The following CELF2 variants were observed in gnomAD, a reference collection of about 807,000 sequenced individuals.
The protein encoded by CELF2 is CUG triplet repeat RNA-binding protein 2.
CELF2 carries 8 observed loss-of-function variants against 62.6 expected under a neutral mutation model. The ratio of observed to expected loss-of-function variants is 0.13; its 90% CI spans 0.07 to 0.23. The LOEUF is 0.23. Ranked by LOEUF, CELF2 falls within the 10% of genes least tolerant of loss-of-function variation. The pLI is 1.00. For missense variants in CELF2, 333 were observed against 671.0 expected (o/e 0.50, Z 5.56); for synonymous variants, 258 against 250.0 (o/e 1.03, Z -0.30).
At chr10:10,626,134 A>G in the CELF2 span, among the ~76,000 whole-genome samples, 1 of 152,080 alleles carries the variant, frequency 6.6e-6, no homozygotes, top group Non-Finnish European at 1.5e-5. Flanking sequence ...CCTTGAACTT[A>G]ATTTCATTAA....
In CELF2 at chr10:10,971,566, GTTGTTGTTGTTTGTTTGTTT is replaced by G. The variant is rs2050757162; in HGVS notation, c.89+51580_89+51599del. On this transcript the variant is annotated intron_variant, in intron 2 of 13. Coordinates refer to the CELF2 transcript ENST00000636488. ...AGTCATCCACATGCATGGTTTTGTT[GTTGTTGTTGTTTGTTTGTTT>G]TTGTTGTTGTTTTGTTTACAGACAG... is the stretch of plus-strand genomic sequence containing the variant. Among the ~76,000 whole-genome samples, 3 of 151,984 alleles carry G rather than the reference GTTGTTGTTGTTTGTTTGTTT, an allele frequency of 2.0e-5. No individual in the cohort carries two copies. The South Asian group carries it at 6.2e-4, about 32-fold the overall frequency.
intron 1 of CELF2, among the ~76,000 whole-genome samples, chr10:10,799,790 A>G (rs2054473264): frequency 6.6e-6 from 1 of 152,244 alleles, no homozygotes; most frequent in South Asian, 2.1e-4. Context: ...CTACCTTGGC[A>G]GAGTTAATTC....
the CELF2 span, among the ~76,000 whole-genome samples, chr10:10,762,896 C>T: frequency 2.0e-5 from 3 of 152,216 alleles, no homozygotes; most frequent in East Asian, 5.8e-4. Flanking sequence ...TTAAAACTTG[C>T]CCACTGCCCT....
chr10:11,293,155 G>A (rs1054622834), intron 9 of CELF2, among the ~76,000 whole-genome samples: 8 of 152,126 alleles, frequency 5.3e-5, no homozygotes, highest in South Asian at 4.1e-4. Context: ...CGGCCTTTAC[G>A]CCATTATTCT....
intron 2 of CELF2, among the ~76,000 whole-genome samples, chr10:10,981,018 T>C (rs963531227): frequency 2.6e-5 from 4 of 152,214 alleles, no homozygotes; most frequent in African/African-American, 9.6e-5. Flanking sequence ...TGTCACAAAA[T>C]CCTGAACTGC....
chr10:10,474,647 C>A, the CELF2 span, among the ~76,000 whole-genome samples: 1 of 152,086 alleles, frequency 6.6e-6, no homozygotes, highest in South Asian at 2.1e-4. Context: ...GCAGGCCATA[C>A]AGAAAAGGTC....
chr10:10,595,465 C>A, the CELF2 span, among the ~76,000 whole-genome samples: 124 of 152,244 alleles, frequency 8.1e-4, no homozygotes, highest in African/African-American at 3.0e-3. Context: ...CAGGACTCGA[C>A]TCCAGAGGTA....
chr10:11,067,424 C>T lies in CELF2; in HGVS notation c.74+49261C>T, dbSNP rs79710810. On this transcript the variant is annotated intron_variant, in intron 1 of 12. Transcript: ENST00000633077. ...GCTTGCAAATGTGTAATATCTGTAG[C>T]ACACTGCTCTTATTAATCCACTGGA... Among the ~76,000 whole-genome samples, 1,172 of 152,296 alleles carry T rather than the reference C, an allele frequency of 7.7e-3. 16 individuals are homozygous for T. Among genetic ancestry groups the T allele is most frequent in the African/African-American group, 0.027 (1,124 of 41,554 alleles).
At chr10:10,739,669 C>A in the CELF2 span, among the ~76,000 whole-genome samples, 1 of 152,176 alleles carries the variant, frequency 6.6e-6, no homozygotes, top group African/African-American at 2.4e-5. Context: ...AGAAAGCAAT[C>A]CAGGATCCCA....
chr10:10,792,096 G>GGAAGGAGGAAAGGGAGGGAGGGA, the CELF2 span, among the ~76,000 whole-genome samples: 1 of 151,564 alleles, frequency 6.6e-6, no homozygotes, highest in Admixed American at 6.6e-5. Context: ...GAGGGAGAGA[G>GGAAGGAGGAAAGGGAGGGAGGGA]GTTCCTCACC....
chr10:10,733,201 G>A, the CELF2 span, among the ~76,000 whole-genome samples: 24 of 152,210 alleles, frequency 1.6e-4, no homozygotes, highest in African/African-American at 5.1e-4. Flanking sequence ...GTCTACACCC[G>A]GGCCATTGAA....
Position 11,156,532 on chromosome 10 carries a change from C to T in CELF2, c.75-8954C>T, listed in dbSNP as rs1047827803. On this transcript the variant is annotated intron_variant, in intron 1 of 12. Transcript: ENST00000633077. The surrounding 1 kb of genome is among the most constrained non-coding windows in gnomAD (Gnocchi z 4.3). ...CGGTCTTTTTAATCGATAAGGCTTA[C>T]TTATTTGCCTATTTCATGCCCACTC... 4.6e-5 allele frequency among the ~76,000 whole-genome samples: 7 copies of T among 152,160 alleles called. No individual in the cohort carries two copies. Among genetic ancestry groups the T allele is most frequent in the Admixed American group, 4.6e-4 (7 of 15,274 alleles).
chr10:10,960,098 G>A (rs1006097963), intron 2 of CELF2: 5 of 152,202 alleles, frequency 3.3e-5, no homozygotes, highest in Non-Finnish European at 7.3e-5. Flanking sequence ...CGCTTCCTAG[G>A]CGACCATTCT....
At chr10:10,987,470 C>T (rs1027253755) in intron 2 of CELF2, among the ~76,000 whole-genome samples, 3 of 151,888 alleles carry the variant, frequency 2.0e-5, no homozygotes, top group South Asian at 2.1e-4. Flanking sequence ...TTTAAAATAT[C>T]GAGATATATT....
chr10:11,027,560 T>G (rs1463628786), intron 1 of CELF2, among the ~76,000 whole-genome samples: 1 of 152,052 alleles, frequency 6.6e-6, no homozygotes, highest in African/African-American at 2.4e-5. Context: ...TTTTTCTTAC[T>G]ACAAAGACCA....
the CELF2 span, among the ~76,000 whole-genome samples, chr10:10,594,501 C>T: frequency 6.6e-6 from 1 of 152,078 alleles, no homozygotes; most frequent in Non-Finnish European, 1.5e-5. Context: ...GAGAAGAGCC[C>T]AGAAGCAGAG....
Position 11,039,175 on chromosome 10 carries a change from C to T in CELF2, c.74+21012C>T, listed in dbSNP as rs570467187. On this transcript the variant is annotated intron_variant, in intron 1 of 12. Transcript: ENST00000633077. This position sits in a 1 kb window ranked among gnomAD's most constrained non-coding sequence, Gnocchi z 4.1. ...CGTGGAGGACACTGAGAGCAGAAAC[C>T]GTGATGCAGTGAGCCTTCTGCCCAC... Among the ~76,000 whole-genome samples, 10 of 152,260 alleles carry T rather than the reference C, an allele frequency of 6.6e-5. No individual in the cohort carries two copies. The highest frequency in any genetic ancestry group is 1.9e-4 in the East Asian group (1 of 5,182).
chr10:10,726,405 A>G, the CELF2 span, among the ~76,000 whole-genome samples: 1 of 152,112 alleles, frequency 6.6e-6, no homozygotes, highest in Non-Finnish European at 1.5e-5. Context: ...GTCTGCTCTC[A>G]TTGGAGTTTC....
chr10:10,597,024 A>G, the CELF2 span, among the ~76,000 whole-genome samples: 1 of 152,206 alleles, frequency 6.6e-6, no homozygotes, highest in African/African-American at 2.4e-5. Context: ...CACCAGAGTG[A>G]CACATGAGCC....
Sources: gnomAD v4.1 joint callset for allele counts (sites outside exome capture counted in the v4.1 genomes callset) on GRCh38, gnomAD v4.1.1 for gene constraint, Gnocchi (gnomAD v3.1) non-coding constraint, MANE v1.5 for transcripts, NCBI Gene and HGNC (gene_info 2026-07-23, HGNC 2026-07-21) for gene names.